The following ADGRF4 variants were observed in gnomAD, a reference collection of about 807,000 sequenced individuals.
The protein encoded by ADGRF4 is adhesion G protein-coupled receptor F4, also known as G-protein coupled receptor PGR18.
ADGRF4 carries 63 observed loss-of-function variants against 58.5 expected under a neutral mutation model. The ratio of observed to expected loss-of-function variants is 1.08; its 90% CI spans 0.88 to 1.33. The LOEUF is 1.33. Ranked by LOEUF, ADGRF4 falls within the 40% of genes most tolerant of loss-of-function variation. The pLI is 0.00. For synonymous variants in ADGRF4, 313 were observed against 295.4 expected, an observed-to-expected ratio of 1.06 and a Z score of -0.61; for missense variants, 931 against 843.9, an observed-to-expected ratio of 1.10 and a Z score of -1.28.
chr6:47,711,022 T>C (rs1771851450), intron 4 of ADGRF4, 136 bp downstream of exon 4: 2 of 804,402 alleles, frequency 2.5e-6, no homozygotes, highest in African/African-American at 1.8e-5. Context: ...GGGTTAAATT[T>C]GTTTCTTGAC....
At position 47,714,833 on chromosome 6, in the gene ADGRF4, G is replaced by T. The variant is rs1188723321; in HGVS notation, c.1588G>T (p.Ala530Ser). The change falls in exon 6 of 10, where the codon GCT becomes TCT. Residue 530 changes from alanine to serine, a missense_variant. Physicochemically the swap from Ala to Ser is moderately conservative, Grantham distance 99. Transcript: ENST00000283303. ...AIGYGCPLIIAVTTVAITEPE... is the reference protein window; with the variant it reads ...AIGYGCPLIISVTTVAITEPE... Reference sequence around the variant, plus strand: ...TGGCTATGGGTGCCCATTGATCATTGCTGTCACTACAGTTGCTATCACAGA... The same window carrying T: ...TGGCTATGGGTGCCCATTGATCATTTCTGTCACTACAGTTGCTATCACAGA... 18 of 1,612,522 alleles carry T rather than the reference G, an allele frequency of 1.1e-5. No individual in the cohort carries two copies. Among genetic ancestry groups the T allele is most frequent in the Non-Finnish European group, 1.5e-5 (18 of 1,178,606 alleles).
intron 1 of ADGRF4, among the ~76,000 whole-genome samples, chr6:47,700,650 T>C (rs1055885420): frequency 2.6e-5 from 4 of 152,186 alleles, no homozygotes; most frequent in African/African-American, 9.7e-5. Context: ...TCAATTCTTT[T>C]TTCACATAAG....
At chr6:47,718,040 T>C (rs1772067913) in intron 8 of ADGRF4, among the ~76,000 whole-genome samples, 1 of 152,266 alleles carries the variant, frequency 6.6e-6, no homozygotes, top group Admixed American at 6.5e-5. Flanking sequence ...CTACCATTTA[T>C]ATTTAGATAG....
chr6:47,720,625 GA>G (rs1772136176), intron 9 of ADGRF4, among the ~76,000 whole-genome samples: 1 of 152,184 alleles, frequency 6.6e-6, no homozygotes, highest in South Asian at 2.1e-4. Flanking sequence ...GGAGGCAGGG[GA>G]GAGAGGGCCA....
chr6:47,707,119 C>A, intron 1 of ADGRF4, 111 bp from the exon 2 acceptor site: 1 of 680,802 alleles, frequency 1.5e-6, no homozygotes, highest in Non-Finnish European at 2.7e-6. Flanking sequence ...TTTGGCATGA[C>A]TATCTCAGAG....
chr6:47,702,104 G>T (rs1271257981), intron 1 of ADGRF4, among the ~76,000 whole-genome samples: 7 of 152,234 alleles, frequency 4.6e-5, no homozygotes, highest in South Asian at 2.1e-4. Context: ...CTCCCAAGGT[G>T]CTGGGATTAT....
In ADGRF4 at chr6:47,721,798, T is replaced by G. The variant is rs1234722560; in HGVS notation, c.*593T>G. ...GAACTGTTTAATATGCTGATTATTT[T>G]AGTCTATTTTAGACCTTGAGTAAAC... On this transcript the variant is annotated 3_prime_UTR_variant, in exon 10 of 10. Coordinates refer to ENST00000283303, the MANE Select transcript of ADGRF4 (RefSeq NM_153838.5). The G allele has an allele frequency of 2.6e-5, 4 of 152,170 alleles. No individual in the cohort carries two copies. The highest frequency in any genetic ancestry group is 9.7e-5 in the African/African-American group (4 of 41,448). 9.4% of individuals were successfully genotyped at this position (152,170 alleles called of 1,614,324 possible). A position where few individuals can be genotyped will look rare whatever the true frequency, so the allele number is the denominator to read the frequency against.
intron 4 of ADGRF4, among the ~76,000 whole-genome samples, chr6:47,711,351 C>T (rs1031256669): frequency 6.6e-6 from 1 of 152,126 alleles, no homozygotes; most frequent in African/African-American, 2.4e-5. Context: ...CAACCTCCAC[C>T]TCTCGGGTTC....
intron 5 of ADGRF4, 52 bp from the exon 6 acceptor site, chr6:47,713,746 T>G: frequency 7.3e-7 from 1 of 1,377,826 alleles, no homozygotes; most frequent in South Asian, 1.7e-5. Flanking sequence ...AAATCAACTT[T>G]GTACAACAAT....
chr6:47,717,530 G>A (rs1772052261), intron 8 of ADGRF4, among the ~76,000 whole-genome samples, 179 bp downstream of exon 8: 1 of 152,218 alleles, frequency 6.6e-6, no homozygotes, highest in Admixed American at 6.5e-5. Flanking sequence ...CTGAAGGTCA[G>A]TGGAATATAC....
At chr6:47,719,374 G>A (rs1772105465) in intron 9 of ADGRF4, among the ~76,000 whole-genome samples, 1 of 152,108 alleles carries the variant, frequency 6.6e-6, no homozygotes, top group African/African-American at 2.4e-5. Flanking sequence ...TGGGAAAACG[G>A]GGAGAGGAAA....
Position 47,714,011 on chromosome 6 carries a change from C to T in ADGRF4, c.766C>T (p.Leu256Phe). The T allele has an allele frequency of 6.2e-7, 1 of 1,605,398 alleles. No homozygotes were observed. The highest frequency in any genetic ancestry group is 8.5e-7 in the Non-Finnish European group (1 of 1,175,694). ...CAACCATAATACCTCAGAGAAAAGC[C>T]TCAATTTCTCCATGAGCATGAACAA... ...HINHNTSEKSLNFSMSMNNTT... is the reference protein window; with the variant it reads ...HINHNTSEKSFNFSMSMNNTT... Residue 256 changes from leucine to phenylalanine, a missense_variant, in exon 6 of 10, where the codon CTC (leucine) becomes TTC (phenylalanine). Coordinates refer to ENST00000283303, the MANE Select transcript of ADGRF4 (RefSeq NM_153838.5).
At position 47,714,321 on chromosome 6, in the gene ADGRF4, G is replaced by A; in HGVS notation, c.1076G>A (p.Trp359Ter). 6.2e-7 allele frequency: 1 copy of A among 1,614,154 alleles called. No individual in the cohort carries two copies. Among genetic ancestry groups the A allele is most frequent in the South Asian group, 1.1e-5 (1 of 91,078 alleles). ...CVGWHSKKRR[W>*]DEKACQMMLD... ...GGCTGGCACTCCAAGAAAAGGAGAT[G>A]GGATGAGAAAGCGTGCCAAATGATG... is the stretch of plus-strand genomic sequence containing the variant. The change falls in exon 6 of 10, where the codon TGG becomes TAG. Residue 359 changes from tryptophan (W) to a stop codon, truncating the protein, a stop_gained. Transcript: ENST00000283303. LOFTEE classifies it high-confidence loss of function.
chr6:47,718,185 T>C (rs1772072422), intron 8 of ADGRF4, among the ~76,000 whole-genome samples: 1 of 152,242 alleles, frequency 6.6e-6, no homozygotes, highest in South Asian at 2.1e-4. Context: ...GTTTTGTTTC[T>C]TTTTATTTTT....
At chr6:47,708,100 C>G (rs1333566317) in intron 2 of ADGRF4, 124 bp from the exon 3 acceptor site, 1 of 679,886 alleles carries the variant, frequency 1.5e-6, no homozygotes, top group African/African-American at 1.8e-5. Context: ...GCACATTTAT[C>G]TGCTGCAGTT....
intron 6 of ADGRF4, 155 bp downstream of exon 6, chr6:47,715,332 A>G (rs1771990180): frequency 3.3e-6 from 2 of 608,874 alleles, no homozygotes; most frequent in Non-Finnish European, 2.8e-6. Flanking sequence ...TTGATTGTCA[A>G]GTTGAATTTA....
chr6:47,699,437 A>G (rs931375964), intron 1 of ADGRF4, among the ~76,000 whole-genome samples: 4 of 152,238 alleles, frequency 2.6e-5, no homozygotes, highest in African/African-American at 9.6e-5. Context: ...ACCAGAGGCA[A>G]TTGCTGGGCG....
chr6:47,699,926 AC>A (rs1459059244), intron 1 of ADGRF4, among the ~76,000 whole-genome samples: 4 of 128,822 alleles, frequency 3.1e-5, no homozygotes, highest in South Asian at 2.6e-4. Context: ...ACACACACAG[AC>A]GACACACCCC....
At chr6:47,711,527 C>G (rs1366210086) in intron 4 of ADGRF4, among the ~76,000 whole-genome samples, 1 of 152,210 alleles carries the variant, frequency 6.6e-6, no homozygotes, top group Non-Finnish European at 1.5e-5. Context: ...TCCCAAAGTG[C>G]TGGGATTACA....
Sources: gnomAD v4.1 joint callset for allele counts (sites outside exome capture counted in the v4.1 genomes callset) on GRCh38, gnomAD v4.1.1 for gene constraint, MANE v1.5 for transcripts, NCBI Gene and HGNC (gene_info 2026-07-23, HGNC 2026-07-21) for gene names.